Variants in ARAP2 observed in about 807,000 individuals in gnomAD.
ARAP2 encodes arf-GAP with Rho-GAP domain, ANK repeat and PH domain-containing protein 2.
In ARAP2, 148 loss-of-function variants were observed where a neutral mutation model predicts 194.5. The observed-to-expected ratio is 0.76, with a 90% CI of 0.67 to 0.87. The LOEUF (loss-of-function observed/expected upper bound fraction) is 0.87. ARAP2 is among the 40% of genes least tolerant of loss of function. The probability of loss-of-function intolerance (pLI) is 0.00; values close to 1 mark genes in which losing one functional copy is unlikely to be tolerated. For synonymous variants in ARAP2, 695 were observed against 683.5 expected, an observed-to-expected ratio of 1.02 and a Z score of -0.26; for missense variants, 2,128 against 1,989.7, an observed-to-expected ratio of 1.07 and a Z score of -1.32.
intron 31 of ARAP2, among the ~76,000 whole-genome samples, chr4:36,077,907 C>T (rs1728615838): frequency 6.6e-6 from 1 of 152,096 alleles, no homozygotes; most frequent in South Asian, 2.1e-4. Flanking sequence ...TCCTGGAAGC[C>T]TGCATGATAC....
At chr4:36,076,819 A>T (rs1728364561) in intron 31 of ARAP2, among the ~76,000 whole-genome samples, 1 of 152,134 alleles carries the variant, frequency 6.6e-6, no homozygotes. Context: ...TCTAATAGGC[A>T]TCTCAAATTT....
chr4:36,160,062 T>C, intron 13 of ARAP2: 1 of 976,804 alleles, frequency 1.0e-6, no homozygotes, highest in Non-Finnish European at 1.2e-6. Context: ...ATGTTATATA[T>C]CATCTTTGTA....
intron 9 of ARAP2, among the ~76,000 whole-genome samples, chr4:36,008,881 G>T (rs1713854818): frequency 6.6e-6 from 1 of 151,916 alleles, no homozygotes; most frequent in Non-Finnish European, 1.5e-5. Flanking sequence ...TCAAAATTGG[G>T]CAAAGGACAA....
intron 6 of ARAP2, among the ~76,000 whole-genome samples, chr4:36,197,397 T>C (rs1743354968): frequency 6.6e-6 from 1 of 152,250 alleles, no homozygotes; most frequent in Non-Finnish European, 1.5e-5. Flanking sequence ...AAATAAACAC[T>C]ACTGAAAAAC....
chr4:36,205,717 G>A (rs1431309437), intron 6 of ARAP2, among the ~76,000 whole-genome samples: 1 of 152,118 alleles, frequency 6.6e-6, no homozygotes, highest in Non-Finnish European at 1.5e-5. Flanking sequence ...ACATTTATGT[G>A]AAAAATGGAG....
intron 22 of ARAP2, 141 bp downstream of exon 22, chr4:36,124,721 T>C: frequency 5.9e-6 from 3 of 505,422 alleles, no homozygotes; most frequent in Non-Finnish European, 1.1e-5. Context: ...GTGCTATTTA[T>C]CTGTAAATGT....
chr4:36,155,383 A>G (rs1211509051), intron 15 of ARAP2, among the ~76,000 whole-genome samples: 2 of 152,216 alleles, frequency 1.3e-5, no homozygotes, highest in Non-Finnish European at 2.9e-5. Context: ...GGTGCCAGAG[A>G]GGCCTCACTA....
rs1488974763 is a variant in ARAP2 at position 36,212,401 on chromosome 4, T to C, written c.1128A>G (p.Lys376=). 6.2e-7 allele frequency: 1 copy of C among 1,608,396 alleles called. No homozygotes were observed. Among genetic ancestry groups the C allele is most frequent in the Admixed American group, 1.7e-5 (1 of 59,892 alleles). ...AATATNSFII[K]SSIYDNRKEK... ...CATCAATCATGATCTCATACCTTGA[T>C]TTGATGATAAAAGAGTTTGTTGCAG... Residue 376 remains lysine, a synonymous_variant, in exon 5 of 33, where the codon AAA becomes AAG. Coordinates refer to ENST00000303965, the MANE Select transcript of ARAP2 (RefSeq NM_015230.4).
chr4:36,082,460 A>T (rs563878701), intron 29 of ARAP2, among the ~76,000 whole-genome samples, 174 bp from the exon 30 acceptor site: 1 of 152,138 alleles, frequency 6.6e-6, no homozygotes, highest in Non-Finnish European at 1.5e-5. Flanking sequence ...ATGCTAAGGG[A>T]TCTGGCTACA....
chr4:36,071,921 A>T (rs1035121560), intron 32 of ARAP2, among the ~76,000 whole-genome samples: 7 of 151,716 alleles, frequency 4.6e-5, no homozygotes, highest in Non-Finnish European at 5.9e-5. Flanking sequence ...TCATTGTTCA[A>T]TTCCCACCTA....
At chr4:36,080,085 A>G (rs1729147492) in intron 31 of ARAP2, 131 bp downstream of exon 31, 1 of 659,816 alleles carries the variant, frequency 1.5e-6, no homozygotes, top group Non-Finnish European at 2.5e-6. Flanking sequence ...GAATGAGAGA[A>G]TCAAAGTTTA....
At chr4:36,108,816 C>G (rs759761874) in intron 26 of ARAP2, among the ~76,000 whole-genome samples, 2 of 151,884 alleles carry the variant, frequency 1.3e-5, no homozygotes, top group Non-Finnish European at 2.9e-5. Flanking sequence ...TTTCTCAGTG[C>G]ACTGAAAATA....
intron 5 of ARAP2, among the ~76,000 whole-genome samples, chr4:36,038,747 C>G (rs112556546): frequency 0.016 from 2,408 of 152,254 alleles, 72 homozygotes; most frequent in African/African-American, 0.054. Flanking sequence ...ATGATAATTA[C>G]TTTCTGCTTT....
In ARAP2 at chr4:36,124,877, A is replaced by G; in HGVS notation, c.3731T>C (p.Ile1244Thr). ...ATCTACCCACCTATACAGGTGTTCA[A>G]TGATAGCTGCTAGTGTTGCTCGGTT... ...GVNRATLAAI[I>T]EHLYRVQKCS... The change falls in exon 22 of 33, where the codon ATT becomes ACT. Residue 1244 changes from isoleucine to threonine, a missense_variant. Coordinates refer to ENST00000303965, the MANE Select transcript of ARAP2 (RefSeq NM_015230.4). 6.2e-7 allele frequency: 1 copy of G among 1,608,432 alleles called. No homozygotes were observed. The highest frequency in any genetic ancestry group is 8.5e-7 in the Non-Finnish European group (1 of 1,176,214).
chr4:36,155,008 A>G (rs565165260), intron 15 of ARAP2, among the ~76,000 whole-genome samples: 2 of 152,364 alleles, frequency 1.3e-5, no homozygotes, highest in Admixed American at 1.3e-4. Context: ...ATTTGTAAAT[A>G]GGGGCTTTCT....
At chr4:36,007,837 G>T (rs1713614581) in intron 9 of ARAP2, among the ~76,000 whole-genome samples, 3 of 152,020 alleles carry the variant, frequency 2.0e-5, no homozygotes, top group Admixed American at 2.0e-4. Flanking sequence ...TAAAGTGGCA[G>T]ATCAAAGTTC....
At chr4:36,192,258 AT>A (rs1203114277) in intron 7 of ARAP2, among the ~76,000 whole-genome samples, 2 of 146,336 alleles carry the variant, frequency 1.4e-5, no homozygotes, top group African/African-American at 5.0e-5. Flanking sequence ...AACAACTTAA[AT>A]TTTTTTAATA....
At chr4:36,232,242 C>T (rs1203664178) in intron 1 of ARAP2, among the ~76,000 whole-genome samples, 1 of 152,168 alleles carries the variant, frequency 6.6e-6, no homozygotes, top group African/African-American at 2.4e-5. Context: ...GCCATGGTTC[C>T]GAAACTCATG....
At chr4:36,157,267 C>T (rs1285923012) in intron 15 of ARAP2, 1 of 151,808 alleles carries the variant, frequency 6.6e-6, no homozygotes, top group Non-Finnish European at 1.5e-5. Flanking sequence ...ATGAAAGTAC[C>T]GTAATTATTT....
Sources: gnomAD v4.1 joint callset for allele counts (sites outside exome capture counted in the v4.1 genomes callset) on GRCh38, gnomAD v4.1.1 for gene constraint, MANE v1.5 for transcripts, NCBI Gene and HGNC (gene_info 2026-07-23, HGNC 2026-07-21) for gene names.